The following SNED1 variants were observed in gnomAD, a reference collection of about 807,000 sequenced individuals.
The protein encoded by SNED1 is sushi, nidogen and EGF like domains 1.
Under a neutral mutation model 166.7 loss-of-function variants are expected in SNED1, and 81 were observed. The observed-to-expected ratio is 0.49, with a 90% CI of 0.41 to 0.58. The LOEUF is 0.58. Ranked by LOEUF, SNED1 falls within the 20% of genes least tolerant of loss-of-function variation. The probability of loss-of-function intolerance (pLI) is 0.00; values close to 1 mark genes in which losing one functional copy is unlikely to be tolerated. For synonymous variants in SNED1, 762 were observed against 822.0 expected (o/e 0.93, Z 1.25); for missense variants, 1,604 against 2,000.2 (o/e 0.80, Z 3.78).
chr2:241,078,262 A>G (rs2063135475), intron 27 of SNED1, among the ~76,000 whole-genome samples: 1 of 151,596 alleles, frequency 6.6e-6, no homozygotes, highest in Non-Finnish European at 1.5e-5. Flanking sequence ...GGGCGCCTGT[A>G]GTCCCAGCTC....
At position 241,013,836 on chromosome 2, in the gene SNED1, C is replaced by T. The variant is rs1248653628; in HGVS notation, c.213+14786C>T. On this transcript the variant is annotated intron_variant, in intron 1 of 31. Transcript: ENST00000310397. This position sits in a 1 kb window ranked among gnomAD's most constrained non-coding sequence, Gnocchi z 4.6. ...ACATTTTGTTTATCCATTCATCCGT[C>T]AGCAAACACTTAGGTTGAGTCTATA... Among the ~76,000 whole-genome samples the T allele has an allele frequency of 6.6e-6, 1 of 152,126 alleles. No individual in the cohort carries two copies. The highest frequency in any genetic ancestry group is 1.5e-5 in the Non-Finnish European group (1 of 68,030).
At chr2:241,063,959 C>T in intron 18 of SNED1, 53 bp from the exon 19 acceptor site, 2 of 1,307,398 alleles carry the variant, frequency 1.5e-6, no homozygotes, top group South Asian at 2.6e-5. Flanking sequence ...CCTCTCCTCC[C>T]TCCCCCAGAC....
At chr2:241,058,904 C>T (rs566005539) in intron 16 of SNED1, among the ~76,000 whole-genome samples, 21 of 151,640 alleles carry the variant, frequency 1.4e-4, no homozygotes, top group Admixed American at 1.4e-3. Flanking sequence ...GAGCCAAGAT[C>T]GCACCACTGC....
chr2:241,016,131 GT>G (rs2060579517), intron 1 of SNED1: 1 of 115,444 alleles, frequency 8.7e-6, no homozygotes, highest in Non-Finnish European at 1.6e-5. Flanking sequence ...AAATTAATTG[GT>G]TTTCTGATGT....
intron 1 of SNED1, among the ~76,000 whole-genome samples, chr2:241,003,106 GC>G (rs1381750144): frequency 6.8e-6 from 1 of 146,964 alleles, no homozygotes; most frequent in Non-Finnish European, 1.5e-5. Context: ...ACGCTTCCCT[GC>G]CCCCCTCCGC....
chr2:241,025,714 A>T (rs1379507166), intron 1 of SNED1, among the ~76,000 whole-genome samples: 2 of 151,846 alleles, frequency 1.3e-5, no homozygotes, highest in Non-Finnish European at 2.9e-5. Flanking sequence ...TTTGCCTTCC[A>T]TAGTAAAGGG....
intron 8 of SNED1, 103 bp from the exon 9 acceptor site, chr2:241,048,212 G>C (rs1226139502): frequency 7.5e-7 from 1 of 1,335,820 alleles, no homozygotes; most frequent in Admixed American, 3.0e-5. Context: ...ACTTGGGAAT[G>C]ACAACAGAGG....
At chr2:241,087,729 C>T in intron 30 of SNED1, 2 of 1,329,340 alleles carry the variant, frequency 1.5e-6, no homozygotes, top group East Asian at 2.8e-5. Context: ...TGCATATTCA[C>T]ACAGAACATG....
rs75917496 is a variant in SNED1 at position 241,071,780 on chromosome 2, C to T, written c.3735-16C>T. 0.017 allele frequency: 26,166 copies of T among 1,583,554 alleles called. 2,461 individuals carry two copies. In the Admixed American group the frequency reaches 0.21, roughly 13 times the overall value. On this transcript the variant is annotated splice_polypyrimidine_tract_variant and intron_variant, in intron 25 of 31. Coordinates refer to ENST00000310397, the MANE Select transcript of SNED1 (RefSeq NM_001080437.3). ...GCGGCGCTCGGACTGTGGTGACCCTCCCACCCTCTCTGCAGGTTCTCGGAG... is the reference window on the plus strand; with the variant it reads ...GCGGCGCTCGGACTGTGGTGACCCTTCCACCCTCTCTGCAGGTTCTCGGAG...
At chr2:241,087,610 TG>T in intron 30 of SNED1, 135 bp downstream of exon 30, 1 of 1,445,278 alleles carries the variant, frequency 6.9e-7, no homozygotes, top group Non-Finnish European at 9.1e-7. Flanking sequence ...AGGCAGCCCC[TG>T]GGCAGCCACG....
Position 241,070,124 on chromosome 2 carries a change from A to G in SNED1, c.3512A>G (p.Gln1171Arg), listed in dbSNP as rs1187887308. Residue 1171 changes from glutamine to arginine, a missense_variant, in exon 24 of 32, where the codon CAG becomes CGG. Physicochemically the swap from Gln to Arg is conservative, Grantham distance 43 (BLOSUM62 1). This residue lies in a region of SNED1 where 367 missense variants were observed against 379.4 expected (regional missense o/e 0.97). Transcript: ENST00000310397. Reference protein sequence around the residue: ...VRDLLPGRRYQLSVIAVQSTE... With the variant: ...VRDLLPGRRYRLSVIAVQSTE... ...GACCTGCTGCCGGGACGGCGGTACC[A>G]GCTCTCTGTGATAGCAGTGCAGAGC... The G allele has an allele frequency of 1.9e-6, 3 of 1,612,454 alleles. No homozygotes were observed. Among genetic ancestry groups the G allele is most frequent in the African/African-American group, 1.3e-5 (1 of 74,956 alleles).
intron 29 of SNED1, among the ~76,000 whole-genome samples, chr2:241,084,030 T>A (rs2063458612): frequency 6.6e-6 from 1 of 152,164 alleles, no homozygotes; most frequent in Non-Finnish European, 1.5e-5. Context: ...TTCTTAGGTT[T>A]ATTGTTTAGA....
At position 241,063,627 on chromosome 2, in the gene SNED1, G is replaced by T. The variant is rs369639200; in HGVS notation, c.2412G>T (p.Gly804=). The change falls in exon 18 of 32, where the codon GGG becomes GGT. Residue 804 remains glycine, a synonymous_variant. Transcript: ENST00000310397. ...GAGCTCACCCGTGCAGAAATGGAGGGTCCTGCAGGAACCTCCCAGGGGCCT... is the reference window on the plus strand; with the variant it reads ...GAGCTCACCCGTGCAGAAATGGAGGTTCCTGCAGGAACCTCCCAGGGGCCT... The part of the protein sequence containing the change: ...ECRAHPCRNG[G]SCRNLPGAYV... 33 of 1,611,926 alleles carry T rather than the reference G, an allele frequency of 2.0e-5. No homozygotes were observed. The highest frequency in any genetic ancestry group is 2.7e-5 in the Non-Finnish European group (32 of 1,179,164).
At chr2:241,057,392 T>A (rs1007504359) in intron 16 of SNED1, among the ~76,000 whole-genome samples, 59 of 140,918 alleles carry the variant, frequency 4.2e-4, no homozygotes, top group African/African-American at 1.6e-3. Context: ...TATATATATA[T>A]ATATATATAT....
In SNED1 at chr2:241,008,580, T is replaced by A. The variant is rs982914891; in HGVS notation, c.213+9530T>A. 2.4e-4 allele frequency among the ~76,000 whole-genome samples: 36 copies of A among 152,332 alleles called. 1 individual carries two copies. Among genetic ancestry groups the A allele is most frequent in the Admixed American group, 2.0e-3 (31 of 15,310 alleles). ...TGCCGTCTGTCTGCGACCAGGCAGG[T>A]GGGACACCCCATACATCATCTACGG... is the stretch of plus-strand genomic sequence containing the variant. On this transcript the variant is annotated intron_variant, in intron 1 of 31. Coordinates refer to ENST00000310397, the MANE Select transcript of SNED1 (RefSeq NM_001080437.3).
At chr2:241,020,766 C>T (rs2060748027) in intron 1 of SNED1, among the ~76,000 whole-genome samples, 1 of 152,148 alleles carries the variant, frequency 6.6e-6, no homozygotes, top group Non-Finnish European at 1.5e-5. Context: ...GGGGCTGCTG[C>T]TGGACTGGGA....
chr2:241,029,638 G>A (rs890694104), intron 1 of SNED1, among the ~76,000 whole-genome samples: 4 of 152,258 alleles, frequency 2.6e-5, no homozygotes, highest in South Asian at 4.1e-4. Flanking sequence ...TGATGGATGC[G>A]CAGCCAGTGG....
At chr2:241,007,902 G>A (rs541359304) in intron 1 of SNED1, among the ~76,000 whole-genome samples, 52 of 152,276 alleles carry the variant, frequency 3.4e-4, no homozygotes, top group African/African-American at 1.2e-3. Flanking sequence ...ACGGGCCTTC[G>A]TGCAGGCCTC....
intron 1 of SNED1, among the ~76,000 whole-genome samples, chr2:241,006,749 A>G (rs376209005): frequency 1.3e-5 from 2 of 152,342 alleles, no homozygotes; most frequent in Admixed American, 1.3e-4. Context: ...TAATACCTCA[A>G]TAGCAGAGGG....
Sources: allele counts gnomAD v4.1 joint callset (sites outside exome capture counted in the v4.1 genomes callset), GRCh38; gene constraint gnomAD v4.1.1; regional missense constraint gnomAD v4.1.1; non-coding constraint Gnocchi (gnomAD v3.1); transcripts MANE v1.5; gene names NCBI Gene and HGNC (gene_info 2026-07-23, HGNC 2026-07-21).